Variants in RPP30 observed in about 807,000 individuals in gnomAD.
RPP30 encodes ribonuclease P/MRP subunit p30, also known as ribonuclease P protein subunit p30.
In RPP30, 36 loss-of-function variants were observed where a neutral mutation model predicts 38.6. The observed-to-expected ratio is 0.93, with a 90% confidence interval of 0.71 to 1.23. The LOEUF (loss-of-function observed/expected upper bound fraction) is 1.23, where lower values mean the gene tolerates loss of function less well. Among genes scored for constraint, RPP30 ranks in the 50% most tolerant of loss-of-function variants. The pLI, the probability that RPP30 is intolerant of heterozygous loss-of-function variation, is 0.00. For synonymous variants in RPP30, 126 were observed against 112.7 expected, an observed-to-expected ratio of 1.12 and a Z score of -0.75; for missense variants, 321 against 321.7, an observed-to-expected ratio of 1.00 and a Z score of 0.02.
chr10:90,895,580 C>A (rs1847130405), intron 8 of RPP30, 97 bp downstream of exon 8: 2 of 721,924 alleles, frequency 2.8e-6, no homozygotes, highest in Non-Finnish European at 4.1e-6. Context: ...ATATTTGTTG[C>A]ATTTTTTTCT....
At chr10:90,903,676 T>G (rs1397140220), downstream of RPP30, among the ~76,000 whole-genome samples, 1 of 152,216 alleles carries the variant, frequency 6.6e-6, no homozygotes, top group Non-Finnish European at 1.5e-5. Flanking sequence ...TTCGTTAGAA[T>G]GAACCACTAA....
rs1435559440 is a variant in RPP30 at position 90,901,317 on chromosome 10, G to A, written c.*638G>A. On this transcript the variant is annotated 3_prime_UTR_variant, in exon 11 of 11. Transcript: ENST00000371703. ...AATATTTTAAGAGCTTCTTTCGAAA[G>A]TTTCTTGTTCATACTCAAATAGTAG... 1.0e-6 allele frequency: 1 copy of A among 984,992 alleles called. No individual in the cohort carries two copies. The highest frequency in any genetic ancestry group is 1.2e-6 in the Non-Finnish European group (1 of 829,764). 61.0% of individuals were successfully genotyped at this position (984,992 alleles called of 1,614,324 possible).
In RPP30 at chr10:90,885,917, A is replaced by T. The variant is rs368879142; in HGVS notation, c.432+16A>T. 1.6e-5 allele frequency: 23 copies of T among 1,482,998 alleles called. No homozygotes were observed. The highest frequency in any genetic ancestry group is 3.4e-4 in the Middle Eastern group (2 of 5,826). The allele number at this position is 1,482,998 out of a possible 1,614,324, so 91.9% of individuals were successfully genotyped here. On this transcript the variant is annotated intron_variant, in intron 6 of 10. Transcript: ENST00000371703. ...TATTAATGTGGTAAGTGTACTTTCCATTCTGTATTTGAATCTTAGAAACTT... is the reference window on the plus strand; with the variant it reads ...TATTAATGTGGTAAGTGTACTTTCCTTTCTGTATTTGAATCTTAGAAACTT...
At chr10:90,882,032 A>G (rs1846935812) in intron 5 of RPP30, among the ~76,000 whole-genome samples, 1 of 152,200 alleles carries the variant, frequency 6.6e-6, no homozygotes, top group Admixed American at 6.5e-5. Context: ...TAAGGAGATA[A>G]GGCAGAGATT....
At position 90,900,690 on chromosome 10, in the gene RPP30, C is replaced by G. The variant is rs751766875; in HGVS notation, c.*11C>G. On this transcript the variant is annotated 3_prime_UTR_variant, in exon 11 of 11. Transcript: ENST00000371703. ...AAGTGTGAGGGCTGAAAAGAATGCC[C>G]CAGTCTCTGTCAGCACTCCCTTCTT... 1 of 1,611,146 alleles carries G rather than the reference C, an allele frequency of 6.2e-7. No individual in the cohort carries two copies. Among genetic ancestry groups the G allele is most frequent in the Non-Finnish European group, 8.5e-7 (1 of 1,178,866 alleles).
rs752919026 is a variant in RPP30, at chr10:90,885,819, G to A, written c.350G>A (p.Cys117Tyr). Residue 117 changes from cysteine (C) to tyrosine (Y), a missense_variant, in exon 6 of 11, where the codon TGC becomes TAC. Physicochemically the swap from Cys to Tyr is radical, Grantham distance 194 (BLOSUM62 -2). Transcript: ENST00000371703. ...TTTTTTTCTTCTTTACAGATTGCTTGCACACATTTAGATGTGGATTTAGTC... is the reference window on the plus strand; with the variant it reads ...TTTTTTTCTTCTTTACAGATTGCTTACACACATTTAGATGTGGATTTAGTC... ...PKTEKLFHIA[C>Y]THLDVDLVCI... is the part of the protein sequence containing the mutation. 3.7e-6 allele frequency: 6 copies of A among 1,607,530 alleles called. No individual in the cohort carries two copies. The South Asian group carries it at 5.6e-5, about 15-fold the overall frequency.
At chr10:90,872,159 G>C in intron 1 of RPP30, 91 bp downstream of exon 1, 1 of 1,094,558 alleles carries the variant, frequency 9.1e-7, no homozygotes, top group Non-Finnish European at 1.4e-6. Context: ...ATGGGTCTCG[G>C]TCAGGTCTCC....
intron 5 of RPP30, among the ~76,000 whole-genome samples, chr10:90,882,579 T>C (rs910742691): frequency 6.6e-6 from 1 of 152,072 alleles, no homozygotes; most frequent in Admixed American, 6.5e-5. Context: ...AGGAGAATGG[T>C]GTGAACCCGG....
At position 90,901,046 on chromosome 10, in the gene RPP30, A is replaced by C; in HGVS notation, c.*367A>C. 3.3e-6 allele frequency: 2 copies of C among 599,400 alleles called. No homozygotes were observed. Among genetic ancestry groups the C allele is most frequent in the Non-Finnish European group, 4.2e-6 (2 of 476,840 alleles). 37.1% of individuals were successfully genotyped at this position (599,400 alleles called of 1,614,324 possible). A position where few individuals can be genotyped will look rare whatever the true frequency, so the allele number is the denominator to read the frequency against. ...GGCTGGAGTACAGTGGCATAATCAC[A>C]GCTCACTGCAACCTCAATCCTGGGC... On this transcript the variant is annotated 3_prime_UTR_variant, in exon 11 of 11. Coordinates refer to ENST00000371703, the MANE Select transcript of RPP30 (RefSeq NM_006413.5).
Position 90,900,935 on chromosome 10 carries a change from T to A in RPP30, c.*256T>A. The A allele has an allele frequency of 8.5e-7, 1 of 1,180,486 alleles. No homozygotes were observed. The highest frequency in any genetic ancestry group is 1.0e-6 in the Non-Finnish European group (1 of 953,134). The allele number at this position is 1,180,486 out of a possible 1,614,324, so 73.1% of individuals were successfully genotyped here. ...ACTGGTTATTTCTCCTTTGTGTAAG[T>A]GATAAACAACAGCAAATATACTTGA... is the stretch of plus-strand genomic sequence containing the variant. On this transcript the variant is annotated 3_prime_UTR_variant, in exon 11 of 11. Transcript: ENST00000371703.
Position 90,885,809 on chromosome 10 carries a change from C to CAGAT in RPP30, c.343-2_344dup, listed in dbSNP as rs759815438. 1.2e-6 allele frequency: 2 copies of CAGAT among 1,604,196 alleles called. No homozygotes were observed. Among genetic ancestry groups the CAGAT allele is most frequent in the Non-Finnish European group, 1.7e-6 (2 of 1,174,460 alleles). On this transcript the variant is annotated splice_polypyrimidine_tract_variant and splice_region_variant and intron_variant, in intron 5 of 10. Coordinates refer to ENST00000371703, the MANE Select transcript of RPP30 (RefSeq NM_006413.5). ...GCCTTACCTATTTTTTTCTTCTTTA[C>CAGAT]AGATTGCTTGCACACATTTAGATGT... is the stretch of plus-strand genomic sequence containing the variant.
At chr10:90,881,959 A>AC (rs1846934734) in intron 5 of RPP30, among the ~76,000 whole-genome samples, 15 of 152,310 alleles carry the variant, frequency 9.8e-5, no homozygotes, top group African/African-American at 3.6e-4. Context: ...ATAATATACC[A>AC]TTATATTTTC....
chr10:90,887,541 T>G (rs1847018337), intron 6 of RPP30, among the ~76,000 whole-genome samples: 1 of 151,856 alleles, frequency 6.6e-6, no homozygotes, highest in Admixed American at 6.6e-5. Context: ...CACCACCATG[T>G]CCGGCTAATT....
chr10:90,875,594 A>G lies in RPP30; in HGVS notation c.175A>G (p.Thr59Ala). The stretch of plus-strand genomic sequence containing the variant: ...ACCAGTAGCTGTTTCTGAACTCTTC[A>G]CAACTTTGCCAATTGTACAGGTAGG... ...EKPVAVSELF[T>A]TLPIVQGKSR... Residue 59 changes from threonine (T) to alanine (A), a missense_variant, in exon 3 of 11, where the codon ACA becomes GCA. Physicochemically the swap from Thr to Ala is moderately conservative, Grantham distance 58. Coordinates refer to ENST00000371703, the MANE Select transcript of RPP30 (RefSeq NM_006413.5). The G allele has an allele frequency of 6.2e-7, 1 of 1,613,560 alleles. No homozygotes were observed. The highest frequency in any genetic ancestry group is 8.5e-7 in the Non-Finnish European group (1 of 1,179,594).
intron 4 of RPP30, 44 bp downstream of exon 4, chr10:90,876,142 G>A (rs751157015): frequency 4.1e-6 from 5 of 1,220,896 alleles, no homozygotes; most frequent in South Asian, 1.2e-5. Context: ...TTTGTGAGTT[G>A]TATTGATTAA....
At chr10:90,878,802 T>C (rs1461021714) in intron 4 of RPP30, among the ~76,000 whole-genome samples, 3 of 152,198 alleles carry the variant, frequency 2.0e-5, no homozygotes, top group African/African-American at 4.8e-5. Flanking sequence ...CTAATTTGAT[T>C]TTTACATCTC....
At chr10:90,890,413 T>A (rs374739016) in intron 6 of RPP30, among the ~76,000 whole-genome samples, 1 of 152,248 alleles carries the variant, frequency 6.6e-6, no homozygotes, top group Non-Finnish European at 1.5e-5. Flanking sequence ...AGGGATCTTA[T>A]ATGTTTTACA....
chr10:90,888,766 T>C (rs1847035612), intron 6 of RPP30, among the ~76,000 whole-genome samples: 1 of 152,148 alleles, frequency 6.6e-6, no homozygotes, highest in Non-Finnish European at 1.5e-5. Context: ...TTGATGGGCA[T>C]TTTTCGCTTA....
intron 6 of RPP30, among the ~76,000 whole-genome samples, chr10:90,890,337 C>A (rs1177727511): frequency 2.6e-5 from 4 of 152,142 alleles, no homozygotes; most frequent in African/African-American, 9.7e-5. Flanking sequence ...GATTTTTTTA[C>A]AATGTTATTT....
Sources: allele counts gnomAD v4.1 joint callset (sites outside exome capture counted in the v4.1 genomes callset), GRCh38; gene constraint gnomAD v4.1.1; transcripts MANE v1.5; gene names NCBI Gene and HGNC (gene_info 2026-07-23, HGNC 2026-07-21).